Variants in INPP4B observed in about 807,000 individuals in gnomAD.
The protein encoded by INPP4B is inositol polyphosphate 4-phosphatase type II.
A neutral mutation model predicts 122.5 loss-of-function variants in INPP4B; 55 were observed. The observed-to-expected ratio is 0.45, with a 90% CI of 0.36 to 0.56. The LOEUF is 0.56. Among genes scored for constraint, INPP4B ranks in the 20% least tolerant of loss-of-function variants. INPP4B has a pLI of 0.00. For synonymous variants in INPP4B, 403 were observed against 388.7 expected (o/e 1.04, Z -0.43); for missense variants, 1,000 against 1,097.7 (o/e 0.91, Z 1.26).
In INPP4B at chr4:142,567,795, A is replaced by G. The variant is rs145832943; in HGVS notation, c.-190-105069T>C. Among the ~76,000 whole-genome samples, 74 of 152,262 alleles carry G rather than the reference A, an allele frequency of 4.9e-4. No homozygotes were observed. In the East Asian group the frequency reaches 5.6e-3, roughly 12 times the overall value. On this transcript the variant is annotated intron_variant, in intron 2 of 25. Transcript: ENST00000262992. Reference sequence around the variant, plus strand: ...GTGAGTTCATTACATACTGTAAGGAAGGTTTTTCATTATTGCTCTTTATTT... The same window carrying G: ...GTGAGTTCATTACATACTGTAAGGAGGGTTTTTCATTATTGCTCTTTATTT...
intron 21 of INPP4B, among the ~76,000 whole-genome samples, chr4:142,116,081 G>A (rs1292170384): frequency 2.0e-5 from 3 of 152,162 alleles, no homozygotes; most frequent in Admixed American, 6.6e-5. Flanking sequence ...TTACATAATG[G>A]TAAAGGGATC....
At chr4:142,455,711 T>A (rs1815266721) in intron 3 of INPP4B, among the ~76,000 whole-genome samples, 2 of 152,030 alleles carry the variant, frequency 1.3e-5, no homozygotes, top group Admixed American at 6.6e-5. Flanking sequence ...CTCTTTTTAG[T>A]CTTTTGAGGA....
At chr4:142,611,548 TG>T (rs1466274497) in intron 2 of INPP4B, among the ~76,000 whole-genome samples, 1 of 151,498 alleles carries the variant, frequency 6.6e-6, no homozygotes, top group African/African-American at 2.4e-5. Flanking sequence ...TTTTTTCGTT[TG>T]TAAAAAAAAA....
At chr4:142,675,608 G>A (rs1402377377) in intron 2 of INPP4B, among the ~76,000 whole-genome samples, 1 of 152,136 alleles carries the variant, frequency 6.6e-6, no homozygotes, top group Non-Finnish European at 1.5e-5. Flanking sequence ...ATAAAATGCT[G>A]TCAAACTGAA....
chr4:142,569,372 T>C (rs1732329460), intron 2 of INPP4B, among the ~76,000 whole-genome samples: 1 of 152,062 alleles, frequency 6.6e-6, no homozygotes, highest in South Asian at 2.1e-4. Context: ...AGTGGTTTGC[T>C]TGCTTTTGCT....
chr4:142,827,842 C>T (rs1329801382), intron 1 of INPP4B, among the ~76,000 whole-genome samples: 1 of 152,136 alleles, frequency 6.6e-6, no homozygotes, highest in Non-Finnish European at 1.5e-5. Context: ...TTATGCTAAA[C>T]ACTAAGGAGA....
chr4:142,494,885 G>A (rs929534027), intron 2 of INPP4B, among the ~76,000 whole-genome samples: 4 of 152,084 alleles, frequency 2.6e-5, no homozygotes, highest in African/African-American at 9.7e-5. Flanking sequence ...CTCCAAGTCA[G>A]AGAACTTAAA....
rs116451524 is a variant in INPP4B at position 142,202,715 on chromosome 4, A to G, written c.1072+5710T>C. 1,276 of 981,570 alleles carry G rather than the reference A, an allele frequency of 1.3e-3. 13 individuals carry two copies. In the African/African-American group the frequency reaches 0.021, roughly 16 times the overall value. The allele number at this position is 981,570 out of a possible 1,614,324, so 60.8% of individuals were successfully genotyped here. Reference sequence around the variant, plus strand: ...GATATAAACTCATTTTTTAAAACATATATTAGTTAAGCTTCTTTTCATACC... The same window carrying G: ...GATATAAACTCATTTTTTAAAACATGTATTAGTTAAGCTTCTTTTCATACC... On this transcript the variant is annotated intron_variant, in intron 14 of 25. Transcript: ENST00000262992.
intron 2 of INPP4B, among the ~76,000 whole-genome samples, chr4:142,491,506 A>G (rs938646788): frequency 7.9e-5 from 12 of 152,178 alleles, no homozygotes; most frequent in Middle Eastern, 3.4e-3. Flanking sequence ...AGACAAAAAA[A>G]ATTAGCCAGA....
At chr4:142,235,272 TG>T (rs1172284219) in intron 12 of INPP4B, among the ~76,000 whole-genome samples, 2 of 151,914 alleles carry the variant, frequency 1.3e-5, no homozygotes, top group Admixed American at 1.3e-4. Context: ...AATTTTTAAA[TG>T]AAGTGGTGTT....
At chr4:142,511,209 T>A (rs1018084143) in intron 2 of INPP4B, among the ~76,000 whole-genome samples, 1 of 152,114 alleles carries the variant, frequency 6.6e-6, no homozygotes, top group Non-Finnish European at 1.5e-5. Flanking sequence ...AAGAATAAAA[T>A]CTCTAATGTG....
intron 2 of INPP4B, among the ~76,000 whole-genome samples, chr4:142,627,202 G>A (rs1277615931): frequency 6.6e-6 from 1 of 151,946 alleles, no homozygotes; most frequent in Non-Finnish European, 1.5e-5. Flanking sequence ...CTACAAACAG[G>A]GACAATTTGA....
At chr4:142,793,462 G>A (rs1367671309) in intron 1 of INPP4B, among the ~76,000 whole-genome samples, 1 of 151,964 alleles carries the variant, frequency 6.6e-6, no homozygotes, top group Non-Finnish European at 1.5e-5. Context: ...AGAATTCACG[G>A]CAAAACAAAG....
intron 7 of INPP4B, among the ~76,000 whole-genome samples, chr4:142,360,497 T>C (rs2148528722): frequency 6.6e-6 from 1 of 152,076 alleles, no homozygotes; most frequent in South Asian, 2.1e-4. Flanking sequence ...TGAACGTACA[T>C]ATCACACGTT....
intron 2 of INPP4B, among the ~76,000 whole-genome samples, chr4:142,564,521 C>G (rs1580379850): frequency 6.9e-6 from 1 of 145,182 alleles, no homozygotes; most frequent in Non-Finnish European, 1.5e-5. Context: ...CCATGGAAGA[C>G]TGGAGGCTCC....
rs184941358 is a variant in INPP4B, at chr4:142,720,216, G to A, written c.-191+5623C>T. Among the ~76,000 whole-genome samples, 32 of 152,154 alleles carry A rather than the reference G, an allele frequency of 2.1e-4. No individual in the cohort carries two copies. The East Asian group carries it at 5.4e-3, about 26-fold the overall frequency. ...TTTTATGCCTGCACTCCTACTCTTT[G>A]TACGGCAAAAAAAATAGTTCTTAAA... On this transcript the variant is annotated intron_variant, in intron 2 of 25. Transcript: ENST00000262992.
At chr4:142,318,098 C>T (rs1209268647) in intron 7 of INPP4B, among the ~76,000 whole-genome samples, 3 of 152,106 alleles carry the variant, frequency 2.0e-5, no homozygotes. Context: ...GCCTTTCAGC[C>T]TTTGTGTCAG....
At chr4:142,332,966 G>A (rs557792783) in intron 7 of INPP4B, among the ~76,000 whole-genome samples, 58 of 141,916 alleles carry the variant, frequency 4.1e-4, no homozygotes, top group African/African-American at 1.5e-3. Context: ...AGCCGAGATC[G>A]CGCCACTGCA....
At chr4:142,760,043 G>C (rs1213626728) in intron 1 of INPP4B, among the ~76,000 whole-genome samples, 3 of 151,992 alleles carry the variant, frequency 2.0e-5, no homozygotes, top group Non-Finnish European at 4.4e-5. Context: ...AATTCTATTT[G>C]TTGGCATTTT....
Sources: allele counts gnomAD v4.1 joint callset (sites outside exome capture counted in the v4.1 genomes callset), GRCh38; gene constraint gnomAD v4.1.1; transcripts MANE v1.5; gene names NCBI Gene and HGNC (gene_info 2026-07-23, HGNC 2026-07-21).